NCOA3: variants seen among roughly 807,000 people sequenced by gnomAD.
NCOA3 encodes CBP-interacting protein.
NCOA3 carries 51 observed loss-of-function variants against 158.8 expected under a neutral mutation model. The observed-to-expected ratio is 0.32, with a 90% CI of 0.26 to 0.41. The LOEUF is 0.41. NCOA3 is among the 10% of genes least tolerant of loss of function. NCOA3 has a pLI of 1.00. For synonymous variants in NCOA3, 537 were observed against 592.4 expected (o/e 0.91, Z 1.36); for missense variants, 1,510 against 1,746.6 (o/e 0.86, Z 2.41).
At position 47,647,251 on chromosome 20, in the gene NCOA3, A is replaced by G. The variant is rs1362912127; in HGVS notation, c.3431A>G (p.Gln1144Arg). 1.2e-6 allele frequency: 2 copies of G among 1,614,226 alleles called. No homozygotes were observed. Among genetic ancestry groups the G allele is most frequent in the African/African-American group, 2.7e-5 (2 of 75,054 alleles). ...SFNSMMNQMN[Q>R]QGNFPLQGMH... ...AACTCTATGATGAATCAGATGAACC[A>G]GCAAGGCAATTTTCCTCTCCAAGGA... Residue 1144 changes from glutamine (Q) to arginine (R), a missense_variant, in exon 18 of 23, where the codon CAG (glutamine) becomes CGG (arginine). By Grantham distance (43) the Gln-to-Arg change is conservative. Coordinates refer to ENST00000371998, the MANE Select transcript of NCOA3 (RefSeq NM_181659.3).
intron 2 of NCOA3, among the ~76,000 whole-genome samples, chr20:47,607,153 A>G (rs1356826129): frequency 2.6e-5 from 4 of 152,216 alleles, no homozygotes; most frequent in Non-Finnish European, 4.4e-5. Context: ...ATTCATTTAT[A>G]TGGTTTCAGA....
intron 2 of NCOA3, among the ~76,000 whole-genome samples, chr20:47,588,130 A>ATTT (rs2085565605): frequency 1.6e-5 from 1 of 60,968 alleles, no homozygotes; most frequent in Non-Finnish European, 3.6e-5. Context: ...TCTCCACCCC[A>ATTT]CTTTTTTTTT....
At chr20:47,528,630 A>G (rs940584712) in intron 1 of NCOA3, among the ~76,000 whole-genome samples, 1 of 152,152 alleles carries the variant, frequency 6.6e-6, no homozygotes, top group Non-Finnish European at 1.5e-5. Flanking sequence ...TAACTGTTCT[A>G]CTGACTTGAA....
At chr20:47,634,824 T>A (rs2086481116) in intron 10 of NCOA3, among the ~76,000 whole-genome samples, 2 of 152,178 alleles carry the variant, frequency 1.3e-5, no homozygotes, top group Non-Finnish European at 2.9e-5. Flanking sequence ...ATTGGAATGC[T>A]GCCTAAAAAG....
intron 18 of NCOA3, among the ~76,000 whole-genome samples, chr20:47,648,064 C>T (rs1264890296): frequency 6.6e-6 from 1 of 151,590 alleles, no homozygotes; most frequent in Non-Finnish European, 1.5e-5. Context: ...CCACGCAAGC[C>T]CGGCTAGTTT....
intron 2 of NCOA3, among the ~76,000 whole-genome samples, chr20:47,604,004 G>T (rs2085904799): frequency 6.6e-6 from 1 of 152,150 alleles, no homozygotes; most frequent in African/African-American, 2.4e-5. Flanking sequence ...GTATTTCCCT[G>T]TCTCCTGTCT....
At chr20:47,616,131 C>T (rs1213447695) in intron 2 of NCOA3, among the ~76,000 whole-genome samples, 34 of 135,266 alleles carry the variant, frequency 2.5e-4, no homozygotes, top group Admixed American at 9.1e-4. Flanking sequence ...GCACTCCACC[C>T]GCCCCCCGCC....
chr20:47,605,497 G>T (rs1345390162), intron 2 of NCOA3, among the ~76,000 whole-genome samples: 2 of 151,914 alleles, frequency 1.3e-5, no homozygotes, highest in African/African-American at 4.8e-5. Flanking sequence ...ACTGCCTGTG[G>T]CAGTTTGAAA....
At chr20:47,555,204 G>A (rs979128069) in intron 1 of NCOA3, among the ~76,000 whole-genome samples, 18 of 152,084 alleles carry the variant, frequency 1.2e-4, no homozygotes, top group African/African-American at 4.1e-4. Context: ...GCCAGCTAAC[G>A]TTTGTTTCAT....
chr20:47,595,435 T>C (rs2085737901), intron 2 of NCOA3, among the ~76,000 whole-genome samples: 2 of 152,182 alleles, frequency 1.3e-5, no homozygotes, highest in Non-Finnish European at 2.9e-5. Flanking sequence ...TCTATAGGGA[T>C]AGGTCAAGAA....
intron 1 of NCOA3, among the ~76,000 whole-genome samples, chr20:47,543,188 G>GTTTCTGCCTGAGTGTCTGATCA (rs1729380507): frequency 6.6e-6 from 1 of 152,144 alleles, no homozygotes; most frequent in Non-Finnish European, 1.5e-5. Flanking sequence ...GTGTCCTAAA[G>GTTTCTGCCTGAGTGTCTGATCA]CTACTGCCAG....
In NCOA3 at chr20:47,519,725, C is replaced by A. The variant is rs896864113; in HGVS notation, c.-99+17706C>A. Among the ~76,000 whole-genome samples, 73 of 152,070 alleles carry A rather than the reference C, an allele frequency of 4.8e-4. 4 individuals carry two copies. On this transcript the variant is annotated intron_variant, in intron 1 of 22. Coordinates refer to ENST00000371998, the MANE Select transcript of NCOA3 (RefSeq NM_181659.3). ...GGAGGATTGCCTGAGACCAGGAGTT[C>A]AAGACCAGCTTGGGCAATGTGGCAA...
chr20:47,508,924 A>G lies in NCOA3; in HGVS notation c.-99+6905A>G, dbSNP rs563110872. Among the ~76,000 whole-genome samples, 5 of 152,368 alleles carry G rather than the reference A, an allele frequency of 3.3e-5. No individual in the cohort carries two copies. The South Asian group carries it at 6.2e-4, about 19-fold the overall frequency. On this transcript the variant is annotated intron_variant, in intron 1 of 22. Transcript: ENST00000371998. ...TGGCCAGTTTTTAAAATTTTAAAAC[A>G]AAGGGTGCTCTGTATGGTTTTCCAA...
At chr20:47,597,266 T>G (rs1461647057) in intron 2 of NCOA3, among the ~76,000 whole-genome samples, 1 of 152,236 alleles carries the variant, frequency 6.6e-6, no homozygotes, top group Non-Finnish European at 1.5e-5. Context: ...AAATTTCATG[T>G]GAATAGTATT....
At chr20:47,650,639 G>A (rs767040792) in intron 19 of NCOA3, among the ~76,000 whole-genome samples, 1 of 151,824 alleles carries the variant, frequency 6.6e-6, no homozygotes, top group Non-Finnish European at 1.5e-5. Flanking sequence ...CGAGGTGGGC[G>A]GATCACCTGA....
At chr20:47,528,954 A>C (rs2425942) in intron 1 of NCOA3, among the ~76,000 whole-genome samples, 23,474 of 151,698 alleles carry the variant, frequency 0.15, 2,849 homozygotes, top group African/African-American at 0.33. Context: ...TTAGTAGAGA[A>C]GGGGGTTTCT....
chr20:47,654,973 A>G lies in NCOA3; in HGVS notation c.*1556A>G, dbSNP rs539104635. ...TGAATCCCATATTGAGATCTCGAGT[A>G]GAATCCTTGGTGTGGTTTCTGGTGT... On this transcript the variant is annotated 3_prime_UTR_variant, in exon 23 of 23. Coordinates refer to ENST00000371998, the MANE Select transcript of NCOA3 (RefSeq NM_181659.3). The G allele has an allele frequency of 1.5e-4, 23 of 152,126 alleles. No individual in the cohort carries two copies. Among genetic ancestry groups the G allele is most frequent in the Non-Finnish European group, 2.8e-4 (19 of 68,032 alleles). 9.4% of individuals were successfully genotyped at this position (152,126 alleles called of 1,614,324 possible). A position where few individuals can be genotyped will look rare whatever the true frequency, so the allele number is the denominator to read the frequency against.
rs2086470258 is a variant in NCOA3 at position 47,634,207 on chromosome 20, T to C, written c.1112+12T>C. On this transcript the variant is annotated intron_variant, in intron 10 of 22. Transcript: ENST00000371998. ...CACTTCCTTCAGAGGTAATGATAGA[T>C]TACTGTGTATTCTAATACAAAATGC... The C allele has an allele frequency of 1.9e-6, 3 of 1,604,942 alleles. No individual in the cohort carries two copies. The Admixed American group carries it at 5.0e-5, about 27-fold the overall frequency.
chr20:47,562,394 A>G (rs1370972155), intron 1 of NCOA3, among the ~76,000 whole-genome samples: 3 of 152,176 alleles, frequency 2.0e-5, no homozygotes, highest in Non-Finnish European at 4.4e-5. Context: ...CATACTTTCC[A>G]GTGTTTGGTG....
Sources: allele counts gnomAD v4.1 joint callset (sites outside exome capture counted in the v4.1 genomes callset), GRCh38; gene constraint gnomAD v4.1.1; transcripts MANE v1.5; gene names NCBI Gene and HGNC (gene_info 2026-07-23, HGNC 2026-07-21).